The following HNRNPLL variants were observed in gnomAD, a reference collection of about 807,000 sequenced individuals.
The protein encoded by HNRNPLL is heterogeneous nuclear ribonucleoprotein L-like.
HNRNPLL carries 25 observed loss-of-function variants against 67.1 expected under a neutral mutation model. That is an observed-to-expected ratio of 0.37 (90% CI 0.27 to 0.52). HNRNPLL has a LOEUF of 0.52. HNRNPLL is among the 20% of genes least tolerant of loss of function. The pLI is 0.90. For missense variants in HNRNPLL, 542 were observed against 673.9 expected (o/e 0.80, Z 2.17); for synonymous variants, 267 against 241.7 (o/e 1.10, Z -0.97).
At position 38,602,676 on chromosome 2, in the gene HNRNPLL, G is replaced by C; in HGVS notation, c.-50C>G. 10 of 1,435,544 alleles carry C rather than the reference G, an allele frequency of 7.0e-6. No individual in the cohort carries two copies. Among genetic ancestry groups the C allele is most frequent in the African/African-American group, 1.5e-5 (1 of 66,474 alleles). The allele number at this position is 1,435,544 out of a possible 1,614,324, so 88.9% of individuals were successfully genotyped here. On this transcript the variant is annotated 5_prime_UTR_variant, in exon 1 of 13. Coordinates refer to ENST00000449105, the MANE Select transcript of HNRNPLL (RefSeq NM_138394.4). ...GCAGGCGGGTGGGGGTGGCGGTGGG[G>C]CGCGCGCCTCGGATGCCGCCGGCCA...
At chr2:38,595,292 AAAAAAG>A (rs1558546745) in intron 1 of HNRNPLL, among the ~76,000 whole-genome samples, 1 of 147,422 alleles carries the variant, frequency 6.8e-6, no homozygotes, top group African/African-American at 2.5e-5. Flanking sequence ...AAAAAAAAAA[AAAAAAG>A]AAAAGAAAAA....
chr2:38,595,811 T>C (rs144784091), intron 1 of HNRNPLL, among the ~76,000 whole-genome samples: 277 of 152,192 alleles, frequency 1.8e-3, no homozygotes, highest in African/African-American at 6.4e-3. Context: ...GCCACTGCAC[T>C]CCAGCCTGGG....
Position 38,585,850 on chromosome 2 carries a change from C to G in HNRNPLL, c.340G>C (p.Ala114Pro). Residue 114 changes from alanine (A) to proline (P), a missense_variant, in exon 3 of 13, where the codon GCT becomes CCT. Around this residue, in one of 2 missense-constraint regions of HNRNPLL, gnomAD observed 415 missense variants for 575.2 expected, o/e 0.72. Coordinates refer to ENST00000449105, the MANE Select transcript of HNRNPLL (RefSeq NM_138394.4). ...YVMMMPFKRQ[A>P]LVEFENIDSA... The stretch of plus-strand genomic sequence containing the variant: ...TCTATGTTTTCAAATTCCACTAGAG[C>G]CTGTCGTTTAAATGGCATCATCATC... 6.2e-7 allele frequency: 1 copy of G among 1,613,046 alleles called. No homozygotes were observed. Among genetic ancestry groups the G allele is most frequent in the Non-Finnish European group, 8.5e-7 (1 of 1,179,254 alleles).
At chr2:38,587,849 A>G (rs1450402481) in intron 2 of HNRNPLL, among the ~76,000 whole-genome samples, 1 of 152,176 alleles carries the variant, frequency 6.6e-6, no homozygotes, top group East Asian at 1.9e-4. Context: ...TGATTGGCTC[A>G]TGGGGGTGGT....
intron 2 of HNRNPLL, among the ~76,000 whole-genome samples, chr2:38,586,229 G>T (rs1186452279): frequency 2.0e-5 from 3 of 152,142 alleles, no homozygotes; most frequent in Non-Finnish European, 4.4e-5. Context: ...CCCCGTGTTA[G>T]CCAGGATGGT....
At chr2:38,591,230 A>G (rs943072262) in intron 2 of HNRNPLL, among the ~76,000 whole-genome samples, 8 of 152,172 alleles carry the variant, frequency 5.3e-5, no homozygotes, top group African/African-American at 1.9e-4. Flanking sequence ...GTGTTTGAAC[A>G]GGACTCACGG....
rs1165875757 is a variant in HNRNPLL, at chr2:38,602,810, GGGGCGCCCCGGGAGGAAGCTCTGGAGC to G, written c.-211_-185del. 1 of 1,544,894 alleles carries G rather than the reference GGGGCGCCCCGGGAGGAAGCTCTGGAGC, an allele frequency of 6.5e-7. No homozygotes were observed. Among genetic ancestry groups the G allele is most frequent in the East Asian group, 2.5e-5 (1 of 40,102 alleles). ...GCTGAGAAGCGCGGACGGACTGAGG[GGGGCGCCCCGGGAGGAAGCTCTGGAGC>G]GGCCGCTCCTCTCAATTACCGAGCC... On this transcript the variant is annotated 5_prime_UTR_variant, in exon 1 of 13. Coordinates refer to ENST00000449105, the MANE Select transcript of HNRNPLL (RefSeq NM_138394.4).
intron 7 of HNRNPLL, among the ~76,000 whole-genome samples, chr2:38,574,627 G>C (rs1278696829): frequency 6.6e-6 from 1 of 151,634 alleles, no homozygotes; most frequent in Non-Finnish European, 1.5e-5. Context: ...CCAATTTTTG[G>C]TATTCTAACA....
At chr2:38,586,689 T>A (rs546585937) in intron 2 of HNRNPLL, among the ~76,000 whole-genome samples, 1 of 152,272 alleles carries the variant, frequency 6.6e-6, no homozygotes, top group East Asian at 1.9e-4. Context: ...AGTTCCAAAG[T>A]TCATATAAAT....
Position 38,585,619 on chromosome 2 carries a change from T to C in HNRNPLL, c.546+25A>G, listed in dbSNP as rs754428873. On this transcript the variant is annotated intron_variant, in intron 3 of 12. Transcript: ENST00000449105. ...GCAAACTGCAAAATCACTTTTAATTTCATTTGTCATATTAAAACACATACC... is the reference window on the plus strand; with the variant it reads ...GCAAACTGCAAAATCACTTTTAATTCCATTTGTCATATTAAAACACATACC... 5.6e-6 allele frequency: 8 copies of C among 1,432,714 alleles called. No individual in the cohort carries two copies. In the African/African-American group the frequency reaches 1.1e-4, roughly 20 times the overall value. 88.8% of individuals were successfully genotyped at this position (1,432,714 alleles called of 1,614,324 possible). A position where few individuals can be genotyped will look rare whatever the true frequency, so the allele number is the denominator to read the frequency against.
chr2:38,569,022 T>C (rs1665972222), intron 10 of HNRNPLL, 111 bp downstream of exon 10: 1 of 770,742 alleles, frequency 1.3e-6, no homozygotes, highest in East Asian at 2.5e-5. Context: ...AATAAAATAG[T>C]AATAACATCA....
intron 8 of HNRNPLL, 100 bp downstream of exon 8, chr2:38,573,110 T>C: frequency 2.7e-6 from 2 of 753,056 alleles, no homozygotes; most frequent in Non-Finnish European, 4.3e-6. Context: ...CTCAAAGAAT[T>C]TGGATATTCC....
chr2:38,585,402 C>T (rs911498708), intron 3 of HNRNPLL, among the ~76,000 whole-genome samples: 9 of 152,158 alleles, frequency 5.9e-5, no homozygotes, highest in African/African-American at 2.2e-4. Flanking sequence ...AAAAACAGAA[C>T]TGGTACTGAT....
intron 2 of HNRNPLL, among the ~76,000 whole-genome samples, chr2:38,587,799 AT>A (rs1666792657): frequency 6.6e-6 from 1 of 152,266 alleles, no homozygotes; most frequent in South Asian, 2.1e-4. Context: ...CTCGTATTGA[AT>A]TGTGATCGCC....
At chr2:38,592,138 T>C (rs1198242407) in intron 1 of HNRNPLL, among the ~76,000 whole-genome samples, 1 of 152,368 alleles carries the variant, frequency 6.6e-6, no homozygotes, top group Non-Finnish European at 1.5e-5. Context: ...AAATTTTTAA[T>C]TTCTTAAAAG....
intron 3 of HNRNPLL, among the ~76,000 whole-genome samples, chr2:38,585,317 T>C (rs573662973): frequency 2.6e-5 from 4 of 152,332 alleles, no homozygotes; most frequent in East Asian, 3.9e-4. Context: ...GATGCTCTTA[T>C]ATATATGCTG....
intron 6 of HNRNPLL, 119 bp downstream of exon 6, chr2:38,581,794 G>C (rs1003651957): frequency 5.6e-6 from 4 of 708,436 alleles, no homozygotes; most frequent in Non-Finnish European, 9.9e-6. Context: ...TGCAACAAAA[G>C]CATTCATCAA....
At chr2:38,598,414 A>G (rs1338975311) in intron 1 of HNRNPLL, among the ~76,000 whole-genome samples, 1 of 152,124 alleles carries the variant, frequency 6.6e-6, no homozygotes, top group East Asian at 1.9e-4. Flanking sequence ...CCAGTGTCAC[A>G]ATTTGGCTTT....
chr2:38,593,320 T>C (rs1163996087), intron 1 of HNRNPLL, among the ~76,000 whole-genome samples: 1 of 152,180 alleles, frequency 6.6e-6, no homozygotes, highest in Non-Finnish European at 1.5e-5. Context: ...TTCTTAAATA[T>C]AACTGGAAAT....
Sources: allele counts gnomAD v4.1 joint callset (sites outside exome capture counted in the v4.1 genomes callset), GRCh38; gene constraint gnomAD v4.1.1; regional missense constraint gnomAD v4.1.1; transcripts MANE v1.5; gene names NCBI Gene and HGNC (gene_info 2026-07-23, HGNC 2026-07-21).